ERCC6: variants seen among roughly 807,000 people sequenced by gnomAD.
The protein encoded by ERCC6 is DNA excision repair protein ERCC-6.
A neutral mutation model predicts 158.7 loss-of-function variants in ERCC6; 116 were observed. The ratio of observed to expected loss-of-function variants is 0.73; its 90% CI spans 0.63 to 0.85. The LOEUF is 0.85. Ranked by LOEUF, ERCC6 falls within the 40% of genes least tolerant of loss-of-function variation. ERCC6 has a pLI of 0.00. For missense variants in ERCC6, 1,698 were observed against 1,799.4 expected, an observed-to-expected ratio of 0.94 and a Z score of 1.02; for synonymous variants, 678 against 659.3, an observed-to-expected ratio of 1.03 and a Z score of -0.43.
At chr10:49,443,519 G>A in the ERCC6 span, among the ~76,000 whole-genome samples, 1 of 152,100 alleles carries the variant, frequency 6.6e-6, no homozygotes, top group Non-Finnish European at 1.5e-5. Context: ...TTATCTTGAT[G>A]CTGTTGTAAA....
chr10:49,438,053 T>A, the ERCC6 span, among the ~76,000 whole-genome samples: 1,436 of 152,308 alleles, frequency 9.4e-3, 59 homozygotes, highest in Admixed American at 0.086. Flanking sequence ...TGTATTGTTA[T>A]TTTCTAAAAA....
intron 5 of ERCC6, among the ~76,000 whole-genome samples, chr10:49,517,691 A>G (rs1837024100): frequency 6.6e-6 from 1 of 151,552 alleles, no homozygotes; most frequent in Non-Finnish European, 1.5e-5. Flanking sequence ...AGCTGGGACT[A>G]CAGGCGCACA....
At chr10:49,477,719 T>C (rs1433206549) in intron 11 of ERCC6, among the ~76,000 whole-genome samples, 2 of 152,188 alleles carry the variant, frequency 1.3e-5, no homozygotes, top group Admixed American at 1.3e-4. Flanking sequence ...CTCCCTGCTG[T>C]CTATGAAGGC....
chr10:49,474,269 C>T, intron 12 of ERCC6, 27 bp from the exon 13 acceptor site: 1 of 1,559,496 alleles, frequency 6.4e-7, no homozygotes, highest in South Asian at 1.1e-5. Context: ...TACATGTACA[C>T]TCAGATGACC....
rs117070216 is a variant in ERCC6 at position 49,478,812 on chromosome 10, T to C, written c.2170-342A>G. 4.5e-3 allele frequency among the ~76,000 whole-genome samples: 682 copies of C among 152,348 alleles called. 1 individual carries two copies. Among genetic ancestry groups the C allele is most frequent in the Non-Finnish European group, 7.4e-3 (506 of 68,024 alleles). ...CCTAAAGTAGAGACTTACTGGGTTC[T>C]TGACCACCAGCCCTAGGGGAAAAAC... is the stretch of plus-strand genomic sequence containing the variant. On this transcript the variant is annotated intron_variant, in intron 10 of 20. Coordinates refer to ENST00000355832, the MANE Select transcript of ERCC6 (RefSeq NM_000124.4).
chr10:49,474,699 A>G (rs903860259), intron 12 of ERCC6, among the ~76,000 whole-genome samples: 2 of 152,212 alleles, frequency 1.3e-5, no homozygotes, highest in African/African-American at 4.8e-5. Flanking sequence ...CTGCAGTTTA[A>G]TATGAGTCAG....
the ERCC6 span, among the ~76,000 whole-genome samples, chr10:49,441,154 G>A: frequency 6.6e-6 from 1 of 152,134 alleles, no homozygotes; most frequent in Non-Finnish European, 1.5e-5. Flanking sequence ...GTCATTGTCC[G>A]TGCCTACAGA....
chr10:49,530,690 A>G (rs1320342301), intron 3 of ERCC6, 30 bp downstream of exon 3: 1 of 1,608,624 alleles, frequency 6.2e-7, no homozygotes, highest in South Asian at 1.1e-5. Flanking sequence ...CTTTTTCAAA[A>G]ATGCAATACT....
At chr10:49,507,940 GAT>G (rs1312001989) in intron 5 of ERCC6, among the ~76,000 whole-genome samples, 9 of 5,294 alleles carry the variant, frequency 1.7e-3, no homozygotes, top group Admixed American at 4.3e-3. Flanking sequence ...ACACTTTCCT[GAT>G]ACACATATCT....
chr10:49,509,326 TAC>T, intron 5 of ERCC6, among the ~76,000 whole-genome samples: 1 of 152,332 alleles, frequency 6.6e-6, no homozygotes, highest in Non-Finnish European at 1.5e-5. Context: ...CTGCAGCAGA[TAC>T]TATTACTATG....
At chr10:49,524,883 T>C in intron 4 of ERCC6, 106 bp from the exon 5 acceptor site, 2 of 1,540,444 alleles carry the variant, frequency 1.3e-6, no homozygotes, top group Non-Finnish European at 1.7e-6. Context: ...AAATAACTCA[T>C]ATAAAAAAAG....
intron 5 of ERCC6, among the ~76,000 whole-genome samples, chr10:49,510,045 C>T (rs1289689507): frequency 6.6e-6 from 1 of 152,088 alleles, no homozygotes; most frequent in Non-Finnish European, 1.5e-5. Context: ...CAGATGCAGA[C>T]AGAGAAAACA....
chr10:49,517,207 C>T, intron 5 of ERCC6: 1 of 1,483,328 alleles, frequency 6.7e-7, no homozygotes, highest in Non-Finnish European at 9.0e-7. Context: ...ATGTCAAACC[C>T]ATAACTAATG....
rs769975274 is a variant in ERCC6, at chr10:49,461,465, G to A, written c.3870C>T (p.Ala1290=). 1 of 1,614,138 alleles carries A rather than the reference G, an allele frequency of 6.2e-7. No homozygotes were observed. Among genetic ancestry groups the A allele is most frequent in the Non-Finnish European group, 8.5e-7 (1 of 1,180,014 alleles). The change falls in exon 19 of 21, where the codon GCC becomes GCT. Residue 1290 remains alanine (A), a synonymous_variant. Transcript: ENST00000355832. ...VLVEAEANRV[A]QDALKALRLS... ...GCCTCAGTGCTTTCAGGGCATCCTG[G>A]GCCACTCGGTTGGCTTCTGCCTCCA...
At chr10:49,513,778 G>GA (rs529199458) in intron 5 of ERCC6, among the ~76,000 whole-genome samples, 87 of 152,152 alleles carry the variant, frequency 5.7e-4, no homozygotes, top group African/African-American at 1.9e-3. Flanking sequence ...GACATATGGG[G>GA]ACTACAATTC....
chr10:49,485,555 T>C (rs1187322115), intron 8 of ERCC6, among the ~76,000 whole-genome samples: 1 of 152,164 alleles, frequency 6.6e-6, no homozygotes, highest in Non-Finnish European at 1.5e-5. Context: ...TTCAGTTTCA[T>C]AAAAGCTGGA....
rs1850527199 is a variant in ERCC6, at chr10:49,458,946, G to C, written c.4351C>G (p.Leu1451Val). The C allele has an allele frequency of 1.2e-6, 2 of 1,614,104 alleles. No homozygotes were observed. Among genetic ancestry groups the C allele is most frequent in the Admixed American group, 1.7e-5 (1 of 60,008 alleles). Residue 1451 changes from leucine (L) to valine (V), a missense_variant, in exon 21 of 21, where the codon CTG becomes GTG. Transcript: ENST00000355832. ...GATAACTTGGATTCAAACTCCTGCA[G>C]TATCTCCCTGGTGCTGGCCTGGCCA... ...TDGQASTREILQEFESKLSAS... is the reference protein window; with the variant it reads ...TDGQASTREIVQEFESKLSAS...
Position 49,537,354 on chromosome 10 carries a change from A to G in ERCC6, c.-15+1608T>C, listed in dbSNP as rs978686827. ...CAAGACTCCGTCTCAAAAAAAAAAA[A>G]AAAAAGAAAGAAAGAAATCATACAT... On this transcript the variant is annotated intron_variant, in intron 1 of 20. Coordinates refer to ENST00000355832, the MANE Select transcript of ERCC6 (RefSeq NM_000124.4). 5.6e-4 allele frequency among the ~76,000 whole-genome samples: 85 copies of G among 151,848 alleles called. 1 individual carries two copies. Among genetic ancestry groups the G allele is most frequent in the South Asian group, 1.2e-3 (6 of 4,820 alleles).
At chr10:49,515,702 A>G in intron 5 of ERCC6, 1 of 1,614,132 alleles carries the variant, frequency 6.2e-7, no homozygotes, top group Non-Finnish European at 8.5e-7. Context: ...CCCGATACTT[A>G]TCAATGTTTT....
Sources: allele counts gnomAD v4.1 joint callset (sites outside exome capture counted in the v4.1 genomes callset), GRCh38; gene constraint gnomAD v4.1.1; transcripts MANE v1.5; gene names NCBI Gene and HGNC (gene_info 2026-07-23, HGNC 2026-07-21).